The following SLC8B1 variants were observed in gnomAD, a reference collection of about 807,000 sequenced individuals.
The protein encoded by SLC8B1 is mitochondrial sodium/calcium exchanger protein.
In SLC8B1, 52 loss-of-function variants were observed where a neutral mutation model predicts 63.4. That is an observed-to-expected ratio of 0.82 (90% CI 0.66 to 1.03). SLC8B1 has a LOEUF of 1.03. SLC8B1 is among the 50% of genes least tolerant of loss of function. SLC8B1 has a pLI of 0.00. For synonymous variants in SLC8B1, 336 were observed against 323.9 expected (o/e 1.04, Z -0.40); for missense variants, 657 against 741.7 (o/e 0.89, Z 1.33).
At chr12:113,312,900 A>ACTT (rs1409933087) in intron 11 of SLC8B1, among the ~76,000 whole-genome samples, 1 of 151,860 alleles carries the variant, frequency 6.6e-6, no homozygotes, top group African/African-American at 2.4e-5. Context: ...AAGGTGGTTT[A>ACTT]CTTTTTTTTT....
In SLC8B1 at chr12:113,299,917, C is replaced by A; in HGVS notation, c.1615G>T (p.Val539Phe). The A allele has an allele frequency of 6.2e-7, 1 of 1,614,148 alleles. No individual in the cohort carries two copies. The highest frequency in any genetic ancestry group is 8.5e-7 in the Non-Finnish European group (1 of 1,180,048). Residue 539 changes from valine (V) to phenylalanine (F), a missense_variant, in exon 16 of 16, where the codon GTC (valine) becomes TTC (phenylalanine). Physicochemically the swap from Val to Phe is conservative, Grantham distance 50 (BLOSUM62 -1). Transcript: ENST00000680972. ...AATGGGACTGAGACCAGGGAGAAGA[C>A]GAGGCTGAGCCCCAGGGCGCCTGCC... ...VLAGALGLSL[V>F]FSLVSVPLQC...
intron 15 of SLC8B1, among the ~76,000 whole-genome samples, chr12:113,300,546 C>T (rs1025092226): frequency 3.9e-5 from 6 of 152,206 alleles, no homozygotes; most frequent in African/African-American, 1.4e-4. Context: ...TGTTTGAGGG[C>T]ACCAGCTGGG....
rs971804603 is a variant in SLC8B1 at position 113,299,679 on chromosome 12, A to G, written c.*98T>C. On this transcript the variant is annotated 3_prime_UTR_variant, in exon 16 of 16. Coordinates refer to ENST00000680972, the MANE Select transcript of SLC8B1 (RefSeq NM_001358345.2). ...CAGCAAGGGCCGCACTCTCGTGCCC[A>G]CAAGGGCCTTGCAGAAATGCTCCGG... 8.1e-6 allele frequency: 10 copies of G among 1,230,760 alleles called. No homozygotes were observed. Among genetic ancestry groups the G allele is most frequent in the Non-Finnish European group, 1.1e-5 (9 of 844,298 alleles). 76.2% of individuals were successfully genotyped at this position (1,230,760 alleles called of 1,614,324 possible).
chr12:113,313,270 C>A (rs1030870933), intron 11 of SLC8B1, among the ~76,000 whole-genome samples: 2 of 151,354 alleles, frequency 1.3e-5, no homozygotes, highest in African/African-American at 4.9e-5. Context: ...TGATGCAATT[C>A]TACTACAGTT....
At chr12:113,310,109 G>A (rs78562648) in intron 12 of SLC8B1, 125 bp downstream of exon 12, 19,957 of 1,301,060 alleles carry the variant, frequency 0.015, 191 homozygotes, top group Middle Eastern at 0.024. Context: ...TTTAAAGTTC[G>A]GTTACCTGTC....
chr12:113,332,889 G>C lies in SLC8B1; in HGVS notation c.-11C>G. ...CCTTCTGCCGGCCATCTGCCCCCAC[G>C]GGGCCTGGCCCTTACTCTCCACTTC... On this transcript the variant is annotated 5_prime_UTR_variant, in exon 2 of 16. Coordinates refer to ENST00000680972, the MANE Select transcript of SLC8B1 (RefSeq NM_001358345.2). 3 of 1,613,238 alleles carry C rather than the reference G, an allele frequency of 1.9e-6. No individual in the cohort carries two copies. Among genetic ancestry groups the C allele is most frequent in the East Asian group, 2.2e-5 (1 of 44,886 alleles).
intron 10 of SLC8B1, among the ~76,000 whole-genome samples, chr12:113,315,780 G>A (rs1956826837): frequency 6.6e-6 from 1 of 152,168 alleles, no homozygotes; most frequent in Non-Finnish European, 1.5e-5. Flanking sequence ...CAGCTTCCAG[G>A]AGCCACCTGC....
Position 113,320,353 on chromosome 12 carries a change from C to G in SLC8B1, c.672G>C (p.Arg224Ser). 6.2e-7 allele frequency: 1 copy of G among 1,614,114 alleles called. No homozygotes were observed. Among genetic ancestry groups the G allele is most frequent in the Non-Finnish European group, 8.5e-7 (1 of 1,180,008 alleles). Residue 224 changes from arginine (R) to serine (S), a missense_variant, in exon 7 of 16, where the codon AGG (arginine) becomes AGC (serine). Physicochemically the swap from Arg to Ser is moderately radical, Grantham distance 110. Transcript: ENST00000680972. The surrounding 1 kb of genome is among the most constrained non-coding windows in gnomAD (Gnocchi z 5.3). ...CACCCAGAGCCCATGCCAGGGTGAC[C>G]CTGCCACGGAAGAGCATGAGGAAGG... ...FLTFLMLFRG[R>S]VTLAWALGYL...
At chr12:113,300,665 C>G (rs565147890) in intron 15 of SLC8B1, among the ~76,000 whole-genome samples, 1 of 152,202 alleles carries the variant, frequency 6.6e-6, no homozygotes, top group Non-Finnish European at 1.5e-5. Flanking sequence ...GACGCAGAAA[C>G]AGCAGGGAAA....
At position 113,304,331 on chromosome 12, in the gene SLC8B1, G is replaced by A. The variant is rs1385715193; in HGVS notation, c.1547C>T (p.Thr516Ile). The A allele has an allele frequency of 1.9e-6, 3 of 1,613,918 alleles. No homozygotes were observed. Among genetic ancestry groups the A allele is most frequent in the South Asian group, 1.1e-5 (1 of 91,084 alleles). The stretch of plus-strand genomic sequence containing the variant: ...ACAAGGAATACTCACCTTCACTTCT[G>A]TGTGGCTTCGGGAGATCTGGAGCAG... The part of the protein sequence containing the change: ...GCLLQISRSH[T>I]EVKLEPDGLL... Residue 516 changes from threonine (T) to isoleucine (I), a missense_variant, in exon 15 of 16, where the codon ACA becomes ATA. Transcript: ENST00000680972.
rs192750610 is a variant in SLC8B1, at chr12:113,300,760, T to A, written c.1558-786A>T. On this transcript the variant is annotated intron_variant, in intron 15 of 15. Transcript: ENST00000680972. ...CGAGTCAGATGTCATTATAATTCCC[T>A]CTGTTTTTAATGCTGAACTCTAGTC... is the stretch of plus-strand genomic sequence containing the variant. 3.6e-3 allele frequency among the ~76,000 whole-genome samples: 555 copies of A among 152,304 alleles called. 3 individuals carry two copies. Among genetic ancestry groups the A allele is most frequent in the Non-Finnish European group, 6.7e-3 (453 of 68,022 alleles).
intron 2 of SLC8B1, among the ~76,000 whole-genome samples, chr12:113,321,703 T>C (rs894052622): frequency 3.3e-5 from 5 of 152,046 alleles, no homozygotes; most frequent in African/African-American, 1.2e-4. Context: ...TGTATATATA[T>C]CCTATTACAC....
At chr12:113,302,709 C>G (rs1190611937) in intron 15 of SLC8B1, 1 of 456,136 alleles carries the variant, frequency 2.2e-6, no homozygotes, top group Admixed American at 2.3e-5. Flanking sequence ...GTCTCCAACC[C>G]ACAGATGAAG....
At chr12:113,323,317 C>A (rs901970400) in intron 2 of SLC8B1, among the ~76,000 whole-genome samples, 1 of 152,192 alleles carries the variant, frequency 6.6e-6, no homozygotes, top group African/African-American at 2.4e-5. Context: ...TACATACACT[C>A]CCACCAGGAA....
Position 113,318,986 on chromosome 12 carries a change from G to A in SLC8B1, c.780C>T (p.Phe260=), listed in dbSNP as rs1262474646. Residue 260 remains phenylalanine, a synonymous_variant, in exon 8 of 16, where the codon TTC becomes TTT. Transcript: ENST00000680972. ...IYQRQRRGSL[F]CPMPVTPEIL... ...TACCTGGAGTAACTGGCATGGGGCA[G>A]AACAGAGATCCTCTCCGTTGCCGTT... The A allele has an allele frequency of 6.2e-7, 1 of 1,613,894 alleles. No individual in the cohort carries two copies. Among genetic ancestry groups the A allele is most frequent in the South Asian group, 1.1e-5 (1 of 91,078 alleles).
At chr12:113,330,944 A>C in intron 2 of SLC8B1, among the ~76,000 whole-genome samples, 1 of 152,102 alleles carries the variant, frequency 6.6e-6, no homozygotes, top group East Asian at 1.9e-4. Flanking sequence ...TTCTCCCCTT[A>C]CAGACATCAG....
intron 7 of SLC8B1, 163 bp from the exon 8 acceptor site, chr12:113,319,234 C>T (rs1956886237): frequency 3.3e-6 from 2 of 603,674 alleles, no homozygotes; most frequent in South Asian, 3.7e-5. Context: ...CCCACTCCTT[C>T]CTCCTGCCTT....
At chr12:113,318,360 A>G (rs1243646213) in intron 8 of SLC8B1, among the ~76,000 whole-genome samples, 1 of 150,280 alleles carries the variant, frequency 6.7e-6, no homozygotes, top group Non-Finnish European at 1.5e-5. Flanking sequence ...ATGTACTCCT[A>G]TGTGTGTTGT....
intron 13 of SLC8B1, among the ~76,000 whole-genome samples, chr12:113,307,018 G>C (rs1956683903): frequency 6.8e-6 from 1 of 147,686 alleles, no homozygotes; most frequent in African/African-American, 2.5e-5. Context: ...GGCTGAGGCA[G>C]GAGAACTGCT....
Sources: allele counts gnomAD v4.1 joint callset (sites outside exome capture counted in the v4.1 genomes callset), GRCh38; gene constraint gnomAD v4.1.1; non-coding constraint Gnocchi (gnomAD v3.1); transcripts MANE v1.5; gene names NCBI Gene and HGNC (gene_info 2026-07-23, HGNC 2026-07-21).